Variants in MEGF10 observed in about 807,000 individuals in gnomAD.
MEGF10 encodes multiple epidermal growth factor-like domains protein 10.
MEGF10 carries 86 observed loss-of-function variants against 147.5 expected under a neutral mutation model. The ratio of observed to expected loss-of-function variants is 0.58; its 90% CI spans 0.49 to 0.70. MEGF10 has a LOEUF of 0.70. Among genes scored for constraint, MEGF10 ranks in the 30% least tolerant of loss-of-function variants. MEGF10 has a pLI of 0.00. For missense variants in MEGF10, 1,329 were observed against 1,487.3 expected, an observed-to-expected ratio of 0.89 and a Z score of 1.75; for synonymous variants, 478 against 525.5, an observed-to-expected ratio of 0.91 and a Z score of 1.24.
At chr5:127,392,103 T>C (rs182852080) in intron 5 of MEGF10, among the ~76,000 whole-genome samples, 66 of 152,336 alleles carry the variant, frequency 4.3e-4, no homozygotes, top group Non-Finnish European at 7.6e-4. Context: ...TTCTCAAAAG[T>C]GTGCCTAAGG....
the MEGF10 span, among the ~76,000 whole-genome samples, chr5:127,262,970 T>C: frequency 6.6e-6 from 1 of 152,134 alleles, no homozygotes; most frequent in African/African-American, 2.4e-5. Flanking sequence ...ATTATTATAG[T>C]ACTTGCTGAA....
chr5:127,425,031 A>C (rs1160606911), intron 13 of MEGF10, among the ~76,000 whole-genome samples: 1 of 152,234 alleles, frequency 6.6e-6, no homozygotes, highest in Non-Finnish European at 1.5e-5. Flanking sequence ...TCTTATAAAG[A>C]TAGAAAGAAT....
chr5:127,455,329 A>C, intron 23 of MEGF10, 72 bp from the exon 24 acceptor site: 1 of 1,277,840 alleles, frequency 7.8e-7, no homozygotes, highest in Middle Eastern at 2.4e-4. Flanking sequence ...AAAGAAAAAC[A>C]GTAAAATATC....
In MEGF10 at chr5:127,402,664, C is replaced by G. The variant is rs760972764; in HGVS notation, c.899C>G (p.Pro300Arg). 1.9e-5 allele frequency: 31 copies of G among 1,613,948 alleles called. 2 individuals carry two copies. The highest frequency in any genetic ancestry group is 2.3e-5 in the Non-Finnish European group (27 of 1,179,948). Residue 300 changes from proline to arginine, a missense_variant, in exon 8 of 25, where the codon CCA becomes CGA. This residue lies in a region of MEGF10 where 980 missense variants were observed against 1,085.9 expected (regional missense o/e 0.90). Transcript: ENST00000503335. ...GCCACAGGCCAATGTCATTGCAGTC[C>G]AGGATACACAGGGGAACGGTAAGGG... The part of the protein sequence containing the change: ...DAATGQCHCS[P>R]GYTGERCQDE...
At chr5:127,298,708 G>T (rs753982523) in intron 1 of MEGF10, among the ~76,000 whole-genome samples, 8 of 152,076 alleles carry the variant, frequency 5.3e-5, no homozygotes, top group Non-Finnish European at 7.4e-5. Context: ...GCCAGAGGGG[G>T]TCACAGAGAA....
In MEGF10 at chr5:127,457,221, G is replaced by C; in HGVS notation, c.3326G>C (p.Cys1109Ser). 2 of 1,614,118 alleles carry C rather than the reference G, an allele frequency of 1.2e-6. No homozygotes were observed. Among genetic ancestry groups the C allele is most frequent in the Non-Finnish European group, 1.7e-6 (2 of 1,180,000 alleles). The change falls in exon 25 of 25, where the codon TGT (cysteine) becomes TCT (serine). Residue 1109 changes from cysteine to serine, a missense_variant. Cys to Ser is a moderately radical substitution (Grantham distance 112). Around this residue, in one of 3 missense-constraint regions of MEGF10, gnomAD observed 343 missense variants for 377.9 expected, o/e 0.91. Transcript: ENST00000503335. ...CTCCCAAAGAACAGTCACATCCCTT[G>C]TCATTATGACCTGCTGCCAGTCCGA... ...YDLPKNSHIP[C>S]HYDLLPVRDS... is the part of the protein sequence containing the mutation.
At chr5:127,388,735 CAG>C (rs370900306) in intron 5 of MEGF10, among the ~76,000 whole-genome samples, 7,664 of 151,584 alleles carry the variant, frequency 0.051, 381 homozygotes, top group African/African-American at 0.12. Context: ...TTAGTAGAGA[CAG>C]AGTTTCACCG....
intron 5 of MEGF10, among the ~76,000 whole-genome samples, chr5:127,391,143 CACA>C (rs1411730631): frequency 9.8e-6 from 1 of 102,508 alleles, no homozygotes; most frequent in Non-Finnish European, 2.3e-5. Context: ...CACACACACA[CACA>C]CACACACATA....
At chr5:127,310,419 G>A (rs1419661860) in intron 1 of MEGF10, among the ~76,000 whole-genome samples, 2 of 151,980 alleles carry the variant, frequency 1.3e-5, no homozygotes, top group Non-Finnish European at 2.9e-5. Flanking sequence ...TTGTGATGAA[G>A]TTCAGTTTAT....
chr5:127,329,653 A>G (rs917698069), intron 1 of MEGF10, among the ~76,000 whole-genome samples: 6 of 152,276 alleles, frequency 3.9e-5, no homozygotes, highest in Admixed American at 3.9e-4. Flanking sequence ...ACTTCTTAAA[A>G]TGCCAGCTCC....
chr5:127,321,625 G>A (rs999934851), intron 1 of MEGF10, among the ~76,000 whole-genome samples: 2 of 152,110 alleles, frequency 1.3e-5, no homozygotes, highest in African/African-American at 2.4e-5. Flanking sequence ...GCTCATCTGT[G>A]TCCTGATAGT....
rs542109795 is a variant in MEGF10 at position 127,411,569 on chromosome 5, T to TGC, written c.1130+973_1130+974dup. ...TGCACTCTGTGTGTGTGTGTGTGTG[T>TGC]GCGCGCATATGTGTGCTGTAATACA... is the stretch of plus-strand genomic sequence containing the variant. On this transcript the variant is annotated intron_variant, in intron 9 of 24. Transcript: ENST00000503335. 4.9e-3 allele frequency among the ~76,000 whole-genome samples: 748 copies of TGC among 151,878 alleles called. 9 individuals carry two copies. In the Middle Eastern group the frequency reaches 0.058, roughly 12 times the overall value.
At chr5:127,403,878 A>G (rs1764224678) in intron 8 of MEGF10, among the ~76,000 whole-genome samples, 1 of 152,206 alleles carries the variant, frequency 6.6e-6, no homozygotes, top group Non-Finnish European at 1.5e-5. Context: ...AATCTTAGCT[A>G]TTGTAAACAG....
the MEGF10 span, among the ~76,000 whole-genome samples, chr5:127,247,398 GAAGAAGAAGAAGAA>G: frequency 6.3e-5 from 3 of 47,658 alleles, no homozygotes; most frequent in Admixed American, 2.3e-4. Context: ...AGAAGAAGAA[GAAGAAGAAGAAGAA>G]GAAGAAGAAG....
At chr5:127,361,005 T>G (rs1054585424) in intron 4 of MEGF10, among the ~76,000 whole-genome samples, 3 of 152,040 alleles carry the variant, frequency 2.0e-5, no homozygotes, top group African/African-American at 7.2e-5. Flanking sequence ...TTTGTTTCTT[T>G]CTTACTGCAA....
intron 5 of MEGF10, among the ~76,000 whole-genome samples, chr5:127,395,369 G>T (rs1159411550): frequency 6.6e-6 from 1 of 151,568 alleles, no homozygotes; most frequent in Non-Finnish European, 1.5e-5. Flanking sequence ...CTTTTACCTG[G>T]TTTCGTTTGC....
the MEGF10 span, among the ~76,000 whole-genome samples, chr5:127,272,338 G>C: frequency 6.6e-6 from 1 of 152,116 alleles, no homozygotes; most frequent in African/African-American, 2.4e-5. Context: ...GGTTACTGTA[G>C]CCTGGTAGTA....
chr5:127,447,431 C>G (rs770180298), intron 20 of MEGF10, 126 bp from the exon 21 acceptor site: 15 of 1,255,814 alleles, frequency 1.2e-5, no homozygotes, highest in Non-Finnish European at 1.6e-5. Flanking sequence ...CCCGCCTTGG[C>G]CTCCCAAAGT....
chr5:127,404,445 C>T (rs1268312379), intron 8 of MEGF10, among the ~76,000 whole-genome samples: 2 of 152,012 alleles, frequency 1.3e-5, no homozygotes, highest in African/African-American at 4.8e-5. Flanking sequence ...AACCTATAAC[C>T]CCTTGTCAGA....
Sources: allele counts gnomAD v4.1 joint callset (sites outside exome capture counted in the v4.1 genomes callset), GRCh38; gene constraint gnomAD v4.1.1; regional missense constraint gnomAD v4.1.1; transcripts MANE v1.5; gene names NCBI Gene and HGNC (gene_info 2026-07-23, HGNC 2026-07-21).